The following FOXJ3 variants were observed in gnomAD, a reference collection of about 807,000 sequenced individuals.
The protein encoded by FOXJ3 is forkhead box J3.
A neutral mutation model predicts 76.1 loss-of-function variants in FOXJ3; 22 were observed. The ratio of observed to expected loss-of-function variants is 0.29; its 90% CI spans 0.21 to 0.41. FOXJ3 has a LOEUF of 0.41. Among genes scored for constraint, FOXJ3 ranks in the 10% least tolerant of loss-of-function variants. The pLI is 1.00. For synonymous variants in FOXJ3, 269 were observed against 261.2 expected (o/e 1.03, Z -0.29); for missense variants, 613 against 762.1 (o/e 0.80, Z 2.30).
At chr1:42,327,082 A>T (rs1655879419) in intron 1 of FOXJ3, among the ~76,000 whole-genome samples, 1 of 152,256 alleles carries the variant, frequency 6.6e-6, no homozygotes, top group South Asian at 2.1e-4. Context: ...GATCAGATAA[A>T]ACACTTTTGA....
At chr1:42,301,886 T>C (rs756249205) in intron 2 of FOXJ3, among the ~76,000 whole-genome samples, 8 of 152,280 alleles carry the variant, frequency 5.3e-5, no homozygotes, top group South Asian at 2.1e-4. Context: ...ACTTTTTTCA[T>C]AGTTTCAGAG....
intron 3 of FOXJ3, among the ~76,000 whole-genome samples, chr1:42,272,858 T>C (rs1444870558): frequency 6.6e-6 from 1 of 152,218 alleles, no homozygotes; most frequent in Non-Finnish European, 1.5e-5. Context: ...AGGATCTCCA[T>C]ATTCTGACTC....
At chr1:42,300,416 G>T (rs994987801) in intron 2 of FOXJ3, among the ~76,000 whole-genome samples, 1 of 152,038 alleles carries the variant, frequency 6.6e-6, no homozygotes, top group Non-Finnish European at 1.5e-5. Flanking sequence ...CTTCACACTT[G>T]TTTGTCTGGG....
At chr1:42,301,288 T>C (rs1654128632) in intron 2 of FOXJ3, among the ~76,000 whole-genome samples, 1 of 152,128 alleles carries the variant, frequency 6.6e-6, no homozygotes, top group African/African-American at 2.4e-5. Flanking sequence ...CTCCACCTCC[T>C]GGAATCAAGC....
At chr1:42,182,999 G>A (rs1264426500) in intron 11 of FOXJ3, among the ~76,000 whole-genome samples, 1 of 150,508 alleles carries the variant, frequency 6.6e-6, no homozygotes, top group Non-Finnish European at 1.5e-5. Context: ...TCTGGGCAAG[G>A]CATGGTGGCT....
At chr1:42,319,518 G>C (rs1175736012) in intron 1 of FOXJ3, among the ~76,000 whole-genome samples, 1 of 152,184 alleles carries the variant, frequency 6.6e-6, no homozygotes, top group East Asian at 1.9e-4. Flanking sequence ...ATGGAGAATA[G>C]AGATTGACTG....
chr1:42,252,763 T>C (rs1180345867), intron 4 of FOXJ3, among the ~76,000 whole-genome samples: 11 of 152,168 alleles, frequency 7.2e-5, no homozygotes, highest in African/African-American at 1.9e-4. Flanking sequence ...TGTGGGCATT[T>C]AGTGCTATAA....
At chr1:42,293,241 G>A (rs1653561121) in intron 2 of FOXJ3, among the ~76,000 whole-genome samples, 1 of 151,414 alleles carries the variant, frequency 6.6e-6, no homozygotes, top group Admixed American at 6.6e-5. Context: ...GAAAAAATTG[G>A]TGGTCAGATG....
chr1:42,298,561 T>C (rs1653937061), intron 2 of FOXJ3, among the ~76,000 whole-genome samples: 1 of 152,142 alleles, frequency 6.6e-6, no homozygotes, highest in Non-Finnish European at 1.5e-5. Flanking sequence ...TTTTTTTTCT[T>C]GGTTAACTTA....
intron 2 of FOXJ3, among the ~76,000 whole-genome samples, chr1:42,295,610 C>A (rs2124716932): frequency 6.8e-6 from 1 of 147,884 alleles, no homozygotes; most frequent in Admixed American, 6.8e-5. Flanking sequence ...CTCACTGCAA[C>A]CTCTGCCTTG....
At chr1:42,278,121 C>A (rs1652430619) in intron 3 of FOXJ3, among the ~76,000 whole-genome samples, 1 of 152,144 alleles carries the variant, frequency 6.6e-6, no homozygotes, top group African/African-American at 2.4e-5. Flanking sequence ...TATCCCCGCT[C>A]TTACTTTATG....
At chr1:42,252,354 G>A (rs1650161944) in intron 4 of FOXJ3, among the ~76,000 whole-genome samples, 1 of 152,188 alleles carries the variant, frequency 6.6e-6, no homozygotes. Flanking sequence ...AGTCTTGGGA[G>A]AGTGTACGTG....
intron 5 of FOXJ3, among the ~76,000 whole-genome samples, chr1:42,211,696 A>G (rs1001784696): frequency 1.1e-4 from 16 of 152,198 alleles, no homozygotes; most frequent in African/African-American, 3.6e-4. Flanking sequence ...GACCTCTGCC[A>G]TTCCAGCTCC....
In FOXJ3 at chr1:42,277,572, C is replaced by T. The variant is rs1311802773; in HGVS notation, c.369+776G>A. 3.1e-4 allele frequency among the ~76,000 whole-genome samples: 8 copies of T among 25,518 alleles called. 1 individual carries two copies. Among genetic ancestry groups the T allele is most frequent in the South Asian group, 9.3e-4 (1 of 1,076 alleles). 16.7% of individuals were successfully genotyped at this position (25,518 alleles called of 152,430 possible). On this transcript the variant is annotated intron_variant, in intron 3 of 12. Transcript: ENST00000361346. ...CAGCACTTTGGGAGGCCGAGGCGGG[C>T]GGATCACGAGGTCAGGAGATCGAGA...
chr1:42,241,427 G>A (rs1570011979), intron 4 of FOXJ3, among the ~76,000 whole-genome samples: 1 of 152,218 alleles, frequency 6.6e-6, no homozygotes, highest in East Asian at 1.9e-4. Flanking sequence ...GCCCACCAAA[G>A]CTAGTGCCCA....
chr1:42,243,022 G>T (rs993637457), intron 4 of FOXJ3, among the ~76,000 whole-genome samples: 1 of 152,160 alleles, frequency 6.6e-6, no homozygotes, highest in Non-Finnish European at 1.5e-5. Context: ...GACCAGGAGA[G>T]AATGGGATGA....
intron 11 of FOXJ3, 108 bp downstream of exon 11, chr1:42,188,629 A>T (rs1646483318): frequency 3.3e-6 from 2 of 610,562 alleles, no homozygotes. Flanking sequence ...AAAAATTTGT[A>T]AACAGATCAC....
chr1:42,257,542 C>T (rs1650691460), intron 4 of FOXJ3, among the ~76,000 whole-genome samples: 1 of 151,948 alleles, frequency 6.6e-6, no homozygotes, highest in Non-Finnish European at 1.5e-5. Context: ...ATGGTGAAAT[C>T]CCATCTCTAC....
intron 4 of FOXJ3, among the ~76,000 whole-genome samples, chr1:42,239,016 AT>A (rs1409676659): frequency 6.6e-6 from 1 of 152,198 alleles, no homozygotes; most frequent in African/African-American, 2.4e-5. Flanking sequence ...GTCAACATGT[AT>A]TTTGTTAAAA....
Sources: allele counts gnomAD v4.1 joint callset (sites outside exome capture counted in the v4.1 genomes callset), GRCh38; gene constraint gnomAD v4.1.1; transcripts MANE v1.5; gene names NCBI Gene and HGNC (gene_info 2026-07-23, HGNC 2026-07-21).